Variants in MYLK3 observed in about 807,000 individuals in gnomAD.
MYLK3 encodes myosin light chain kinase 3.
In MYLK3, 55 loss-of-function variants were observed where a neutral mutation model predicts 76.3. That is an observed-to-expected ratio of 0.72 (90% CI 0.58 to 0.90). MYLK3 has a LOEUF of 0.90. Ranked by LOEUF, MYLK3 falls within the 40% of genes least tolerant of loss-of-function variation. The probability of loss-of-function intolerance (pLI) is 0.00; values close to 1 mark genes in which losing one functional copy is unlikely to be tolerated. For missense variants in MYLK3, 973 were observed against 1,053.6 expected (o/e 0.92, Z 1.06); for synonymous variants, 416 against 425.4 (o/e 0.98, Z 0.27).
Position 46,730,616 on chromosome 16 carries a change from C to T in MYLK3, c.1545G>A (p.Val515=), listed in dbSNP as rs751104529. 47 of 1,613,978 alleles carry T rather than the reference C, an allele frequency of 2.9e-5. No individual in the cohort carries two copies. Among genetic ancestry groups the T allele is most frequent in the Non-Finnish European group, 3.7e-5 (44 of 1,180,018 alleles). Reference sequence around the variant, plus strand: ...ACCCTCCCAAGACTTCGTGCTGGCACACCTCGTAACCCGCAGAGATGGAGG... The same window carrying T: ...ACCCTCCCAAGACTTCGTGCTGGCATACCTCGTAACCCGCAGAGATGGAGG... ...KETSISAGYE[V]CQHEVLGGGR... Residue 515 remains valine (V), a synonymous_variant, in exon 5 of 13, where the codon GTG becomes GTA. Coordinates refer to ENST00000394809, the MANE Select transcript of MYLK3 (RefSeq NM_182493.3).
In MYLK3 at chr16:46,727,220, C is replaced by T. The variant is rs566755785; in HGVS notation, c.1914+16G>A. The T allele has an allele frequency of 6.2e-7, 1 of 1,611,036 alleles. No homozygotes were observed. Among genetic ancestry groups the T allele is most frequent in the African/African-American group, 1.3e-5 (1 of 74,992 alleles). Reference sequence around the variant, plus strand: ...GACACCAGGGGCCCCTACCGCATGCCCAGGGCAGAACCCACCTTGAGGTCC... The same window carrying T: ...GACACCAGGGGCCCCTACCGCATGCTCAGGGCAGAACCCACCTTGAGGTCC... On this transcript the variant is annotated intron_variant, in intron 8 of 12. Coordinates refer to ENST00000394809, the MANE Select transcript of MYLK3 (RefSeq NM_182493.3).
intron 6 of MYLK3, 47 bp downstream of exon 6, chr16:46,729,547 G>A (rs1966848356): frequency 6.4e-7 from 1 of 1,556,892 alleles, no homozygotes. Context: ...GGAAGGAAAG[G>A]AATCCTGAGG....
Position 46,747,975 on chromosome 16 carries a change from C to A in MYLK3, c.219G>T (p.Pro73=). Residue 73 remains proline, a synonymous_variant, in exon 1 of 13, where the codon CCG becomes CCT. Coordinates refer to ENST00000394809, the MANE Select transcript of MYLK3 (RefSeq NM_182493.3). ...GAACCCCATCAGCCCCGCCCGGGCC[C>A]GGTGCCCGGGAGGCCTCCAGCCTGT... The part of the protein sequence containing the change: ...GLHRLEASRA[P]GPGGADGVPH... 6.2e-7 allele frequency: 1 copy of A among 1,613,160 alleles called. No individual in the cohort carries two copies.
At chr16:46,707,972 A>G (rs1369694227) in intron 12 of MYLK3, among the ~76,000 whole-genome samples, 1 of 151,822 alleles carries the variant, frequency 6.6e-6, no homozygotes, top group Non-Finnish European at 1.5e-5. Flanking sequence ...GTGGGAAGAT[A>G]CATCATCCTG....
chr16:46,756,335 G>A (rs1203719114), intron 1 of MYLK3, among the ~76,000 whole-genome samples: 2 of 152,252 alleles, frequency 1.3e-5, no homozygotes, highest in Admixed American at 6.5e-5. Flanking sequence ...TTGTGAGGGT[G>A]AGGGAGGGAA....
In MYLK3 at chr16:46,712,656, G is replaced by T. The variant is rs749253362; in HGVS notation, c.2106C>A (p.Thr702=). 9.8e-6 allele frequency: 15 copies of T among 1,538,298 alleles called. No individual in the cohort carries two copies. The Admixed American group carries it at 2.8e-4, about 28-fold the overall frequency. The part of the protein sequence containing the change: ...PTDMWSVGVI[T]YMLLSGLSPF... ...GGGTGCTAAGCACTCACAGCATGTAGGTGATGACTCCCACACTCCACATGT... is the reference window on the plus strand; with the variant it reads ...GGGTGCTAAGCACTCACAGCATGTATGTGATGACTCCCACACTCCACATGT... Residue 702 remains threonine, a synonymous_variant, in exon 10 of 13, where the codon ACC becomes ACA. Transcript: ENST00000394809.
chr16:46,763,002 C>A (rs368904601), intron 1 of MYLK3: 13 of 979,580 alleles, frequency 1.3e-5, no homozygotes, highest in African/African-American at 7.0e-5. Flanking sequence ...AACACCCCCC[C>A]ACACACACAC....
intron 9 of MYLK3, among the ~76,000 whole-genome samples, chr16:46,718,906 C>T (rs550788081): frequency 4.6e-5 from 7 of 151,878 alleles, no homozygotes; most frequent in Admixed American, 1.3e-4. Flanking sequence ...GCAGAGGTTG[C>T]AGTGAGCCTG....
At chr16:46,741,018 C>T (rs1186927143) in intron 1 of MYLK3, among the ~76,000 whole-genome samples, 6 of 152,338 alleles carry the variant, frequency 3.9e-5, no homozygotes, top group African/African-American at 1.4e-4. Context: ...CCCATGGTCA[C>T]CTCTTTACAG....
chr16:46,738,094 G>C lies in MYLK3; in HGVS notation c.618C>G (p.Pro206=), dbSNP rs79006800. 88 of 1,591,218 alleles carry C rather than the reference G, an allele frequency of 5.5e-5. No individual in the cohort carries two copies. Among genetic ancestry groups the C allele is most frequent in the South Asian group, 1.8e-4 (16 of 89,622 alleles). The change falls in exon 3 of 13, where the codon CCC becomes CCG. Residue 206 remains proline (P), a synonymous_variant. Coordinates refer to ENST00000394809, the MANE Select transcript of MYLK3 (RefSeq NM_182493.3). ...CAGCTCCCAGCCCTGACGCTCTGAT[G>C]GGGGGCAGCCTCTCCGCTGTCCCCT... is the stretch of plus-strand genomic sequence containing the variant. ...VLEGTAERLP[P]IRASGLGADP... is the part of the protein sequence containing the mutation.
chr16:46,734,367 G>A (rs546956069), intron 3 of MYLK3, among the ~76,000 whole-genome samples: 1 of 152,192 alleles, frequency 6.6e-6, no homozygotes, highest in East Asian at 1.9e-4. Flanking sequence ...TAATCCCAGC[G>A]CTTTGGGAGG....
At chr16:46,721,694 T>G (rs991497091) in intron 8 of MYLK3, among the ~76,000 whole-genome samples, 1 of 152,002 alleles carries the variant, frequency 6.6e-6, no homozygotes, top group African/African-American at 2.4e-5. Flanking sequence ...ATGTGAAAAT[T>G]CCATGCTTTT....
chr16:46,721,024 C>G lies in MYLK3; in HGVS notation c.1985+99G>C, dbSNP rs967037160. 2.7e-6 allele frequency: 3 copies of G among 1,099,222 alleles called. 1 individual carries two copies. The highest frequency in any genetic ancestry group is 2.0e-4 in the Middle Eastern group (1 of 5,008). 68.1% of individuals were successfully genotyped at this position (1,099,222 alleles called of 1,614,324 possible). A position where few individuals can be genotyped will look rare whatever the true frequency, so the allele number is the denominator to read the frequency against. On this transcript the variant is annotated intron_variant, in intron 9 of 12. Coordinates refer to ENST00000394809, the MANE Select transcript of MYLK3 (RefSeq NM_182493.3). ...CACAAGAGCTTTCTTGCATCAGTTCCAAAACTCAAGCATTAGCTGGGTCAG... is the reference window on the plus strand; with the variant it reads ...CACAAGAGCTTTCTTGCATCAGTTCGAAAACTCAAGCATTAGCTGGGTCAG...
chr16:46,723,602 C>A (rs147993898), intron 8 of MYLK3, among the ~76,000 whole-genome samples: 1 of 151,072 alleles, frequency 6.6e-6, no homozygotes, highest in East Asian at 1.9e-4. Flanking sequence ...TTTTACAACC[C>A]CACCAGCAAT....
rs561120067 is a variant in MYLK3 at position 46,748,030 on chromosome 16, C to T, written c.164G>A (p.Arg55Gln). 75 of 1,614,068 alleles carry T rather than the reference C, an allele frequency of 4.6e-5. No homozygotes were observed. The South Asian group carries it at 6.6e-4, about 14-fold the overall frequency. The stretch of plus-strand genomic sequence containing the variant: ...GCCCCGCTCCAGGTGGCCCATGTCT[C>T]GGCACATGCTCTGCAACTTCTCTGT... The part of the protein sequence containing the change: ...DVTEKLQSMC[R>Q]DMGHLERGLH... The change falls in exon 1 of 13, where the codon CGA becomes CAA. Residue 55 changes from arginine (R) to glutamine (Q), a missense_variant. Physicochemically the swap from Arg to Gln is conservative, Grantham distance 43. Coordinates refer to ENST00000394809, the MANE Select transcript of MYLK3 (RefSeq NM_182493.3). The surrounding 1 kb of genome is among the most constrained non-coding windows in gnomAD (Gnocchi z 4.3).
intron 1 of MYLK3, among the ~76,000 whole-genome samples, chr16:46,743,438 T>C (rs867016972): frequency 6.6e-6 from 1 of 152,170 alleles, no homozygotes; most frequent in Admixed American, 6.6e-5. Flanking sequence ...CACCGCTCAT[T>C]CTCTGAGCCC....
rs1966583595 is a variant in MYLK3, at chr16:46,702,444, CCTTT to C, written c.*5256_*5259del. On this transcript the variant is annotated 3_prime_UTR_variant, in exon 13 of 13. Coordinates refer to ENST00000394809, the MANE Select transcript of MYLK3 (RefSeq NM_182493.3). ...TGCCATACTTGCTTAACTATACCTT[CCTTT>C]TTCTCTGAAGTCATCTAACCACATT... 6.6e-6 allele frequency among the ~76,000 whole-genome samples: 1 copy of C among 152,312 alleles called. No individual in the cohort carries two copies. The highest frequency in any genetic ancestry group is 2.1e-4 in the South Asian group (1 of 4,826).
chr16:46,730,800 C>G, intron 4 of MYLK3, 102 bp from the exon 5 acceptor site: 3 of 923,302 alleles, frequency 3.2e-6, no homozygotes, highest in Middle Eastern at 2.1e-4. Context: ...CCACCAGGCC[C>G]TATGTACAGC....
chr16:46,712,845 T>A (rs2143012751), intron 9 of MYLK3, 69 bp from the exon 10 acceptor site: 2 of 1,423,312 alleles, frequency 1.4e-6, no homozygotes, highest in African/African-American at 1.5e-5. Flanking sequence ...GGGGCTCATT[T>A]CTGGTGGGAT....
Sources: allele counts gnomAD v4.1 joint callset (sites outside exome capture counted in the v4.1 genomes callset), GRCh38; gene constraint gnomAD v4.1.1; non-coding constraint Gnocchi (gnomAD v3.1); transcripts MANE v1.5; gene names NCBI Gene and HGNC (gene_info 2026-07-23, HGNC 2026-07-21).